SPHKAP: variants seen among roughly 807,000 people sequenced by gnomAD.
SPHKAP encodes SPHK1 interactor, AKAP domain containing, also known as A-kinase anchor protein SPHKAP.
SPHKAP carries 67 observed loss-of-function variants against 137.5 expected under a neutral mutation model. That is an observed-to-expected ratio of 0.49 (90% CI 0.40 to 0.60). The LOEUF (loss-of-function observed/expected upper bound fraction) is 0.60. SPHKAP is among the 20% of genes least tolerant of loss of function. The pLI is 0.00. For missense variants in SPHKAP, 2,097 were observed against 2,069.3 expected (o/e 1.01, Z -0.26); for synonymous variants, 813 against 785.3 (o/e 1.04, Z -0.59).
intron 3 of SPHKAP, among the ~76,000 whole-genome samples, chr2:228,102,721 T>C (rs1698216013): frequency 6.6e-6 from 1 of 152,016 alleles, no homozygotes; most frequent in Non-Finnish European, 1.5e-5. Context: ...AGTTGTTTAC[T>C]AAAAAAGTTC....
At chr2:228,090,059 CA>C (rs1181120302) in intron 3 of SPHKAP, among the ~76,000 whole-genome samples, 1 of 152,176 alleles carries the variant, frequency 6.6e-6, no homozygotes, top group Admixed American at 6.6e-5. Context: ...CCTCCAGACT[CA>C]AGAATGGTAG....
At chr2:227,992,608 CAAAAG>C (rs1425625479) in intron 9 of SPHKAP, among the ~76,000 whole-genome samples, 8 of 151,848 alleles carry the variant, frequency 5.3e-5, no homozygotes, top group South Asian at 2.1e-4. Flanking sequence ...CTCCTTAAAA[CAAAAG>C]AAAAGAAAAC....
chr2:228,052,600 A>G (rs538860693), intron 3 of SPHKAP, among the ~76,000 whole-genome samples: 2 of 152,318 alleles, frequency 1.3e-5, no homozygotes, highest in East Asian at 3.9e-4. Context: ...CAACCTATCA[A>G]TCAAAAGTGA....
chr2:228,174,798 C>T (rs1404593018), intron 1 of SPHKAP, among the ~76,000 whole-genome samples: 3 of 152,034 alleles, frequency 2.0e-5, no homozygotes, highest in African/African-American at 7.2e-5. Context: ...TTAAATGGTT[C>T]TGATGGAAAA....
rs1699273925 is a variant in SPHKAP at position 228,132,147 on chromosome 2, A to C, written c.33-62T>G. 2.2e-6 allele frequency: 3 copies of C among 1,349,116 alleles called. No homozygotes were observed. In the South Asian group the frequency reaches 3.5e-5, roughly 16 times the overall value. The allele number at this position is 1,349,116 out of a possible 1,614,324, so 83.6% of individuals were successfully genotyped here. ...GAGTCATATCTATATTTGGAAATAA[A>C]TAATAAGTAAATCACAACATGGTGT... On this transcript the variant is annotated intron_variant, in intron 1 of 11. Transcript: ENST00000392056.
intron 3 of SPHKAP, among the ~76,000 whole-genome samples, chr2:228,044,560 G>A (rs1273950453): frequency 6.6e-6 from 1 of 152,110 alleles, no homozygotes; most frequent in Non-Finnish European, 1.5e-5. Flanking sequence ...AGACTGCCAA[G>A]TGTTGAGAGG....
chr2:228,180,002 G>T (rs1700851017), intron 1 of SPHKAP, among the ~76,000 whole-genome samples: 1 of 152,186 alleles, frequency 6.6e-6, no homozygotes, highest in African/African-American at 2.4e-5. Flanking sequence ...AGAATAGATA[G>T]GTGGAGAAAG....
In SPHKAP at chr2:228,132,085, G is replaced by A; in HGVS notation, c.33C>T (p.Ser11=). 6.2e-7 allele frequency: 1 copy of A among 1,613,204 alleles called. No individual in the cohort carries two copies. The highest frequency in any genetic ancestry group is 8.5e-7 in the Non-Finnish European group (1 of 1,179,724). Residue 11 remains serine, a splice_region_variant and synonymous_variant, in exon 2 of 12, where the codon AGC becomes AGT. Coordinates refer to ENST00000392056, the MANE Select transcript of SPHKAP (RefSeq NM_001142644.2). The part of the protein sequence containing the change: MDGNSLLSVP[S]NLESSRMYDV... ...CATACATCCGTGATGACTCCAAGTT[G>A]CTGTTTGTGACCCAAAACACAAAAA...
At chr2:228,038,983 C>T (rs1490114903) in intron 3 of SPHKAP, among the ~76,000 whole-genome samples, 3 of 152,184 alleles carry the variant, frequency 2.0e-5, no homozygotes, top group East Asian at 3.8e-4. Flanking sequence ...AGATTGGCTT[C>T]GTTTTCTCAC....
At chr2:228,165,034 A>C (rs1453653087) in intron 1 of SPHKAP, among the ~76,000 whole-genome samples, 1 of 152,212 alleles carries the variant, frequency 6.6e-6, no homozygotes, top group Non-Finnish European at 1.5e-5. Flanking sequence ...ATATACAGTA[A>C]AGGATCAATA....
At chr2:228,036,930 G>T (rs1278082913) in intron 3 of SPHKAP, among the ~76,000 whole-genome samples, 2 of 151,986 alleles carry the variant, frequency 1.3e-5, no homozygotes, top group Non-Finnish European at 2.9e-5. Context: ...TATACCTAAT[G>T]CTAAGTGACG....
At chr2:228,057,639 A>G (rs915423081) in intron 3 of SPHKAP, among the ~76,000 whole-genome samples, 1 of 152,158 alleles carries the variant, frequency 6.6e-6, no homozygotes, top group African/African-American at 2.4e-5. Flanking sequence ...AGAGGTTTCC[A>G]GGTAGGGAAC....
intron 4 of SPHKAP, among the ~76,000 whole-genome samples, 188 bp from the exon 5 acceptor site, chr2:228,025,716 T>C (rs1695007483): frequency 6.6e-6 from 1 of 152,166 alleles, no homozygotes; most frequent in African/African-American, 2.4e-5. Context: ...AGAGAAAATA[T>C]AAGCTTCAAA....
At chr2:228,092,086 T>C (rs1401646270) in intron 3 of SPHKAP, among the ~76,000 whole-genome samples, 1 of 150,214 alleles carries the variant, frequency 6.7e-6, no homozygotes, top group African/African-American at 2.4e-5. Flanking sequence ...TATGTATATA[T>C]ATGTGTGTAT....
chr2:228,092,206 CACAT>C (rs1697775989), intron 3 of SPHKAP, among the ~76,000 whole-genome samples: 1 of 129,828 alleles, frequency 7.7e-6, no homozygotes, highest in Non-Finnish European at 1.7e-5. Context: ...CATGCATACA[CACAT>C]ATATACACAC....
At chr2:227,996,700 T>G (rs1044055080) in intron 7 of SPHKAP, among the ~76,000 whole-genome samples, 2 of 152,184 alleles carry the variant, frequency 1.3e-5, no homozygotes, top group African/African-American at 4.8e-5. Flanking sequence ...ACCCTCTTCC[T>G]GGGCTTCTTA....
chr2:228,121,415 C>T (rs1304604354), intron 2 of SPHKAP, among the ~76,000 whole-genome samples: 1 of 152,180 alleles, frequency 6.6e-6, no homozygotes, highest in Non-Finnish European at 1.5e-5. Context: ...ACTCAGGAGG[C>T]TGAGGTGGGA....
intron 11 of SPHKAP, among the ~76,000 whole-genome samples, chr2:227,984,299 C>CAAAAA (rs61461358): frequency 5.7e-5 from 3 of 52,770 alleles, no homozygotes; most frequent in African/African-American, 6.5e-5. Flanking sequence ...GACTCCATCT[C>CAAAAA]AAAAAAAAAA....
intron 5 of SPHKAP, 39 bp from the exon 6 acceptor site, chr2:228,022,005 G>A (rs1694860600): frequency 6.5e-7 from 1 of 1,531,508 alleles, no homozygotes; most frequent in Non-Finnish European, 8.7e-7. Flanking sequence ...ATTCAAAAGG[G>A]AAAATAAAAG....
Sources: allele counts gnomAD v4.1 joint callset (sites outside exome capture counted in the v4.1 genomes callset), GRCh38; gene constraint gnomAD v4.1.1; transcripts MANE v1.5; gene names NCBI Gene and HGNC (gene_info 2026-07-23, HGNC 2026-07-21).